MEI1: variants seen among roughly 807,000 people sequenced by gnomAD.
MEI1 encodes the protein meiosis inhibitor protein 1.
A neutral mutation model predicts 146.2 loss-of-function variants in MEI1; 103 were observed. The ratio of observed to expected loss-of-function variants is 0.70; its 90% CI spans 0.60 to 0.83. The LOEUF (loss-of-function observed/expected upper bound fraction) is 0.83, where lower values mean the gene tolerates loss of function less well. Ranked by LOEUF, MEI1 falls within the 40% of genes least tolerant of loss-of-function variation. MEI1 has a pLI of 0.00. For missense variants in MEI1, 1,529 were observed against 1,533.0 expected (o/e 1.00, Z 0.04); for synonymous variants, 652 against 628.2 (o/e 1.04, Z -0.57).
chr22:41,782,046 C>G (rs1401442189), intron 24 of MEI1, among the ~76,000 whole-genome samples: 1 of 152,094 alleles, frequency 6.6e-6, no homozygotes, highest in Non-Finnish European at 1.5e-5. Flanking sequence ...CATATTAATC[C>G]ACTTAACACA....
chr22:41,743,127 C>T lies in MEI1; in HGVS notation c.1379C>T (p.Ala460Val), dbSNP rs1348153559. 6.2e-7 allele frequency: 1 copy of T among 1,613,334 alleles called. No homozygotes were observed. Among genetic ancestry groups the T allele is most frequent in the Non-Finnish European group, 8.5e-7 (1 of 1,179,798 alleles). ...TPPVQYGELQ[A>V]LLEAMLNRCA... ...CCTGTGCAGTATGGGGAACTGCAGG[C>T]TTTGCTAGAAGCCATGCTAAACCGA... The change falls in exon 12 of 31, where the codon GCT becomes GTT. Residue 460 changes from alanine (A) to valine (V), a missense_variant. Around this residue, in one of 3 missense-constraint regions of MEI1, gnomAD observed 1,212 missense variants for 1,178.9 expected, o/e 1.03. Coordinates refer to ENST00000401548, the MANE Select transcript of MEI1 (RefSeq NM_152513.4).
intron 26 of MEI1, among the ~76,000 whole-genome samples, chr22:41,790,848 C>G (rs762460778): frequency 6.6e-6 from 1 of 152,080 alleles, no homozygotes; most frequent in Non-Finnish European, 1.5e-5. Flanking sequence ...ACCTCAGCCC[C>G]GAAGTGCTGG....
chr22:41,756,587 C>A lies in MEI1; in HGVS notation c.1952-1778C>A, dbSNP rs12160430. Among the ~76,000 whole-genome samples the A allele has an allele frequency of 3.0e-4, 46 of 152,160 alleles. 1 individual carries two copies. Among genetic ancestry groups the A allele is most frequent in the African/African-American group, 1.1e-3 (45 of 41,510 alleles). Reference sequence around the variant, plus strand: ...CTCCCGGGTTCAAGCAATTCTCCTGCGTCAGCTTCCTGAGTAGCTAGGACT... The same window carrying A: ...CTCCCGGGTTCAAGCAATTCTCCTGAGTCAGCTTCCTGAGTAGCTAGGACT... On this transcript the variant is annotated intron_variant, in intron 17 of 30. Transcript: ENST00000401548.
chr22:41,767,843 G>A (rs2074952856), intron 19 of MEI1, among the ~76,000 whole-genome samples: 1 of 152,134 alleles, frequency 6.6e-6, no homozygotes, highest in Non-Finnish European at 1.5e-5. Flanking sequence ...TGGAGCTGGG[G>A]GACTGGTCAA....
chr22:41,702,764 T>G (rs1187101871), intron 1 of MEI1, among the ~76,000 whole-genome samples: 19 of 151,580 alleles, frequency 1.3e-4, no homozygotes, highest in South Asian at 2.1e-4. Flanking sequence ...ACTTTTCTTT[T>G]CTTTTTTTTT....
Position 41,778,806 on chromosome 22 carries a change from C to T in MEI1, c.2809C>T (p.His937Tyr), listed in dbSNP as rs1403761619. The T allele has an allele frequency of 6.2e-7, 1 of 1,600,874 alleles. No individual in the cohort carries two copies. Among genetic ancestry groups the T allele is most frequent in the Non-Finnish European group, 8.5e-7 (1 of 1,173,896 alleles). The change falls in exon 22 of 31, where the codon CAC becomes TAC. Residue 937 changes from histidine (H) to tyrosine (Y), a missense_variant. Physicochemically the swap from His to Tyr is moderately conservative, Grantham distance 83. Coordinates refer to ENST00000401548, the MANE Select transcript of MEI1 (RefSeq NM_152513.4). The stretch of plus-strand genomic sequence containing the variant: ...GGACAGCGTGGCCATGAAGCTCCTT[C>T]ACCAAGGTGCCCTGGCTGCTTGGGA... ...ELDSVAMKLL[H>Y]QVSKLCGKCS...
chr22:41,763,581 G>A (rs745435514), intron 19 of MEI1, among the ~76,000 whole-genome samples: 1 of 151,968 alleles, frequency 6.6e-6, no homozygotes, highest in Non-Finnish European at 1.5e-5. Flanking sequence ...TGGGCACGGT[G>A]GCTCACGTCT....
At chr22:41,789,351 A>G (rs1224598131) in intron 26 of MEI1, among the ~76,000 whole-genome samples, 1 of 152,096 alleles carries the variant, frequency 6.6e-6, no homozygotes, top group Non-Finnish European at 1.5e-5. Flanking sequence ...TTTCGTAGAG[A>G]TGATATCTCA....
chr22:41,717,525 T>C (rs1222803624), intron 5 of MEI1, among the ~76,000 whole-genome samples: 2 of 152,076 alleles, frequency 1.3e-5, no homozygotes, highest in Non-Finnish European at 2.9e-5. Context: ...CTCAACCTGC[T>C]GGTCTCAAGT....
At chr22:41,779,397 G>T (rs1418164505) in intron 22 of MEI1, among the ~76,000 whole-genome samples, 1 of 152,128 alleles carries the variant, frequency 6.6e-6, no homozygotes, top group Non-Finnish European at 1.5e-5. Context: ...CAAGGCTGCA[G>T]TGAGCTATGA....
intron 6 of MEI1, among the ~76,000 whole-genome samples, chr22:41,719,749 C>T (rs940352944): frequency 6.6e-6 from 1 of 152,146 alleles, no homozygotes. Context: ...ACCCTTTTAA[C>T]GTCCTCTCCT....
At position 41,784,708 on chromosome 22, in the gene MEI1, GGA is replaced by G; in HGVS notation, c.3271_3272del (p.Asp1091HisfsTer42). 6.2e-7 allele frequency: 1 copy of G among 1,613,652 alleles called. No homozygotes were observed. The highest frequency in any genetic ancestry group is 8.5e-7 in the Non-Finnish European group (1 of 1,179,790). On this transcript the variant is annotated frameshift_variant, in exon 26 of 31. Coordinates refer to ENST00000401548, the MANE Select transcript of MEI1 (RefSeq NM_152513.4). LOFTEE classifies it high-confidence loss of function. The part of the protein sequence containing the change: ...SGAQPLPATK[D>X]TVLAPLRMSQ... The stretch of plus-strand genomic sequence containing the variant: ...GGGCCCAGCCACTGCCAGCCACCAA[GGA>G]CACTGTCCTAGCTCCACTGCGAATG...
chr22:41,729,381 T>C (rs1167622045), intron 7 of MEI1, among the ~76,000 whole-genome samples: 1 of 152,178 alleles, frequency 6.6e-6, no homozygotes, highest in African/African-American at 2.4e-5. Context: ...CTTTTGTTAA[T>C]GAAGGCTTGA....
chr22:41,763,327 GAC>G lies in MEI1; in HGVS notation c.2268+7_2268+8del, dbSNP rs770103994. On this transcript the variant is annotated splice_region_variant and intron_variant, in intron 19 of 30. Transcript: ENST00000401548. The stretch of plus-strand genomic sequence containing the variant: ...AAGACAATACACTACGTGAGGTATG[GAC>G]CACAATGCCTGGGCTCCTTGTCCTT... 2.3e-5 allele frequency: 37 copies of G among 1,613,470 alleles called. 1 individual carries two copies. The African/African-American group carries it at 4.5e-4, about 20-fold the overall frequency.
intron 26 of MEI1, among the ~76,000 whole-genome samples, chr22:41,786,588 C>T (rs940253060): frequency 6.6e-6 from 1 of 152,218 alleles, no homozygotes; most frequent in East Asian, 1.9e-4. Context: ...TTTCTCTTTC[C>T]TCATAGTTCC....
chr22:41,719,273 G>T (rs533516646), intron 6 of MEI1, among the ~76,000 whole-genome samples: 3 of 152,152 alleles, frequency 2.0e-5, no homozygotes, highest in East Asian at 3.9e-4. Context: ...GAGCCACCGC[G>T]CCCGGCCGGT....
In MEI1 at chr22:41,749,671, T is replaced by C. The variant is rs1266047496; in HGVS notation, c.1792+1453T>C. Among the ~76,000 whole-genome samples the C allele has an allele frequency of 2.6e-5, 4 of 152,166 alleles. No homozygotes were observed. In the East Asian group the frequency reaches 7.7e-4, roughly 29 times the overall value. ...TTCAGAAAGATCTTTCTTGGAGCAG[T>C]GTGGACTATGAGTTAGAGGGAGGCA... On this transcript the variant is annotated intron_variant, in intron 15 of 30. Transcript: ENST00000401548.
chr22:41,730,519 A>G lies in MEI1; in HGVS notation c.980-2A>G. On this transcript the variant is annotated splice_acceptor_variant, in intron 8 of 30. Transcript: ENST00000401548. LOFTEE classifies it high-confidence loss of function. ...TTGTTTTCTCATCCTCTCCCTTGTTAGAGTTCCTCTTTGAGCATCTTTCTT... is the reference window on the plus strand; with the variant it reads ...TTGTTTTCTCATCCTCTCCCTTGTTGGAGTTCCTCTTTGAGCATCTTTCTT... 2 of 1,604,664 alleles carry G rather than the reference A, an allele frequency of 1.2e-6. No individual in the cohort carries two copies. The highest frequency in any genetic ancestry group is 1.7e-6 in the Non-Finnish European group (2 of 1,171,494).
At chr22:41,727,470 C>T (rs1283120211) in intron 7 of MEI1, among the ~76,000 whole-genome samples, 1 of 152,136 alleles carries the variant, frequency 6.6e-6, no homozygotes, top group African/African-American at 2.4e-5. Flanking sequence ...TATGCCTGAT[C>T]TAAAAATTCT....
Sources: allele counts gnomAD v4.1 joint callset (sites outside exome capture counted in the v4.1 genomes callset), GRCh38; gene constraint gnomAD v4.1.1; regional missense constraint gnomAD v4.1.1; transcripts MANE v1.5; gene names NCBI Gene and HGNC (gene_info 2026-07-23, HGNC 2026-07-21).